MTUS1: variants seen among roughly 807,000 people sequenced by gnomAD.
MTUS1 encodes the protein microtubule associated scaffold protein 1.
MTUS1 carries 109 observed loss-of-function variants against 120.8 expected under a neutral mutation model. That is an observed-to-expected ratio of 0.90 (90% confidence interval 0.77 to 1.06). The LOEUF is 1.06. MTUS1 is among the 50% of genes least tolerant of loss of function. MTUS1 has a pLI of 0.00. For missense variants in MTUS1, 2,210 were observed against 1,486.3 expected, an observed-to-expected ratio of 1.49 and a Z score of -8.01; for synonymous variants, 737 against 550.5, an observed-to-expected ratio of 1.34 and a Z score of -4.74.
chr8:17,783,443 T>C (rs1262138799), intron 1 of MTUS1, among the ~76,000 whole-genome samples: 1 of 152,180 alleles, frequency 6.6e-6, no homozygotes, highest in Non-Finnish European at 1.5e-5. Context: ...TTGCCTTTCT[T>C]AGATGGGAGT....
intron 8 of MTUS1, among the ~76,000 whole-genome samples, chr8:17,658,225 A>G (rs1446884711): frequency 1.3e-5 from 2 of 152,236 alleles, no homozygotes; most frequent in African/African-American, 2.4e-5. Context: ...TAGTAGACAC[A>G]TGGTTTTACC....
At chr8:17,765,792 A>G (rs1399185351) in intron 1 of MTUS1, among the ~76,000 whole-genome samples, 1 of 151,778 alleles carries the variant, frequency 6.6e-6, no homozygotes, top group African/African-American at 2.4e-5. Context: ...CAATTCAAGG[A>G]CAGTATACTC....
chr8:17,703,703 G>A (rs1455243505), intron 6 of MTUS1, among the ~76,000 whole-genome samples: 1 of 151,468 alleles, frequency 6.6e-6, no homozygotes, highest in East Asian at 1.9e-4. Flanking sequence ...AGGCTTACTA[G>A]GATTGGGAAA....
chr8:17,719,267 C>T (rs1822940132), intron 4 of MTUS1, among the ~76,000 whole-genome samples: 1 of 152,212 alleles, frequency 6.6e-6, no homozygotes, highest in Non-Finnish European at 1.5e-5. Context: ...GCTTTTATTA[C>T]ATTATGTATA....
At chr8:17,721,700 T>A in intron 4 of MTUS1, 1 of 1,551,754 alleles carries the variant, frequency 6.4e-7, no homozygotes, top group Non-Finnish European at 8.7e-7. Flanking sequence ...AAACCAGAAA[T>A]CGTCGACCTA....
At chr8:17,652,066 G>C (rs992853851) in intron 12 of MTUS1, among the ~76,000 whole-genome samples, 1 of 152,178 alleles carries the variant, frequency 6.6e-6, no homozygotes, top group African/African-American at 2.4e-5. Flanking sequence ...GTACTTTCTA[G>C]AGCTGGCCAG....
At chr8:17,727,078 T>G (rs1237673635) in intron 3 of MTUS1, among the ~76,000 whole-genome samples, 1 of 151,996 alleles carries the variant, frequency 6.6e-6, no homozygotes, top group Admixed American at 6.6e-5. Flanking sequence ...ACCTCCCCTA[T>G]CTCATTGTCA....
chr8:17,744,831 A>G (rs889304924), intron 2 of MTUS1, among the ~76,000 whole-genome samples: 8 of 151,816 alleles, frequency 5.3e-5, no homozygotes, highest in African/African-American at 1.2e-4. Flanking sequence ...GCGTGAGCCA[A>G]TAACTTAATT....
intron 2 of MTUS1, among the ~76,000 whole-genome samples, chr8:17,751,055 G>A (rs1300979028): frequency 2.0e-5 from 3 of 152,210 alleles, no homozygotes; most frequent in Non-Finnish European, 4.4e-5. Context: ...GATGGCTCAC[G>A]CCTGTAATCC....
In MTUS1 at chr8:17,649,827, C is replaced by G. The variant is rs370805322; in HGVS notation, c.3501+19G>C. The G allele has an allele frequency of 7.4e-7, 1 of 1,352,198 alleles. No individual in the cohort carries two copies. The highest frequency in any genetic ancestry group is 1.4e-5 in the African/African-American group (1 of 69,884). The allele number at this position is 1,352,198 out of a possible 1,614,324, so 83.8% of individuals were successfully genotyped here. ...TTACCCCATTTGTAAGATCCTCTTT[C>G]ATTCTGAAGGAAACATACCAGTTTC... On this transcript the variant is annotated intron_variant, in intron 13 of 14. Transcript: ENST00000693296.
chr8:17,772,021 G>C (rs1216603273), intron 1 of MTUS1, among the ~76,000 whole-genome samples: 1 of 152,174 alleles, frequency 6.6e-6, no homozygotes, highest in Non-Finnish European at 1.5e-5. Flanking sequence ...TAGTGGCCTG[G>C]ATGACTTTTA....
At chr8:17,781,222 A>G (rs1002500144) in intron 1 of MTUS1, among the ~76,000 whole-genome samples, 1 of 152,254 alleles carries the variant, frequency 6.6e-6, no homozygotes, top group South Asian at 2.1e-4. Context: ...TCTCATAGCC[A>G]ATCAGCAAAC....
At chr8:17,672,445 G>A (rs1360683512) in intron 8 of MTUS1, among the ~76,000 whole-genome samples, 2 of 152,126 alleles carry the variant, frequency 1.3e-5, no homozygotes, top group East Asian at 3.9e-4. Flanking sequence ...CCCGGACAGT[G>A]TGACAACATC....
chr8:17,786,198 T>C (rs940966871), intron 1 of MTUS1, among the ~76,000 whole-genome samples: 4 of 152,160 alleles, frequency 2.6e-5, no homozygotes, highest in Non-Finnish European at 4.4e-5. Context: ...CAGTGTATTC[T>C]GACCCTTCTT....
Position 17,644,609 on chromosome 8 carries a change from C to G in MTUS1, c.*1317G>C, listed in dbSNP as rs1371018530. 1 of 152,228 alleles carries G rather than the reference C, an allele frequency of 6.6e-6. No homozygotes were observed. Among genetic ancestry groups the G allele is most frequent in the Admixed American group, 6.5e-5 (1 of 15,290 alleles). 9.4% of individuals were successfully genotyped at this position (152,228 alleles called of 1,614,324 possible). A position where few individuals can be genotyped will look rare whatever the true frequency, so the allele number is the denominator to read the frequency against. On this transcript the variant is annotated 3_prime_UTR_variant, in exon 15 of 15. Transcript: ENST00000693296. ...GACCATTCTGCTACTTTCCCAAAGA[C>G]AAAGGGACTCCTTAAAGGGTAACTG... is the stretch of plus-strand genomic sequence containing the variant.
chr8:17,780,718 C>G (rs990839951), intron 1 of MTUS1, among the ~76,000 whole-genome samples: 1 of 152,172 alleles, frequency 6.6e-6, no homozygotes, highest in East Asian at 1.9e-4. Flanking sequence ...GAGCCTCTGC[C>G]TCCTTACAAT....
chr8:17,741,798 G>C (rs2937884), intron 3 of MTUS1, among the ~76,000 whole-genome samples: 21,953 of 152,162 alleles, frequency 0.14, 1,700 homozygotes, highest in Middle Eastern at 0.2. Context: ...AGAAAATTAG[G>C]TGAGCTCCAA....
intron 6 of MTUS1, among the ~76,000 whole-genome samples, chr8:17,707,994 C>T (rs769260159): frequency 8.6e-5 from 13 of 151,638 alleles, no homozygotes; most frequent in Non-Finnish European, 1.9e-4. Flanking sequence ...GCTAGAATAG[C>T]AAAAAAAACT....
intron 6 of MTUS1, among the ~76,000 whole-genome samples, chr8:17,685,468 C>G (rs1041422578): frequency 1.3e-5 from 2 of 148,298 alleles, no homozygotes; most frequent in African/African-American, 5.0e-5. Context: ...AAAAAAGACA[C>G]AAGAAACTAA....
Sources: allele counts gnomAD v4.1 joint callset (sites outside exome capture counted in the v4.1 genomes callset), GRCh38; gene constraint gnomAD v4.1.1; transcripts MANE v1.5; gene names NCBI Gene and HGNC (gene_info 2026-07-23, HGNC 2026-07-21).